Variants in LPIN1 observed in about 807,000 individuals in gnomAD.
LPIN1 encodes the protein lipin 1.
A neutral mutation model predicts 107.5 loss-of-function variants in LPIN1; 71 were observed. The ratio of observed to expected loss-of-function variants is 0.66; its 90% CI spans 0.55 to 0.80. The LOEUF (loss-of-function observed/expected upper bound fraction) is 0.80, where lower values mean the gene tolerates loss of function less well. Among genes scored for constraint, LPIN1 ranks in the 30% least tolerant of loss-of-function variants. The pLI is 0.00. For missense variants in LPIN1, 1,043 were observed against 1,160.6 expected, an observed-to-expected ratio of 0.90 and a Z score of 1.47; for synonymous variants, 445 against 452.6, an observed-to-expected ratio of 0.98 and a Z score of 0.21.
At chr2:11,728,471 C>T (rs573751639) in intron 1 of LPIN1, among the ~76,000 whole-genome samples, 3 of 152,166 alleles carry the variant, frequency 2.0e-5, no homozygotes, top group Non-Finnish European at 4.4e-5. Context: ...TAACCTCCCC[C>T]TCCCCAGGTT....
chr2:11,724,467 C>T, exon 1 of LPIN1: 1 of 985,828 alleles, frequency 1.0e-6, no homozygotes, highest in South Asian at 4.7e-5. Flanking sequence ...CTAACAGCAG[C>T]CACCCAGCAG....
rs1490552267 is a variant in LPIN1 at position 11,786,899 on chromosome 2, C to T, written c.1550-175C>T. ...CCTCCCTGCATTGCTGCACAGACGC[C>T]GCCTTCCAGGTAAAATGGTGCGGCC... On this transcript the variant is annotated intron_variant, in intron 10 of 20. Coordinates refer to ENST00000674199, the MANE Select transcript of LPIN1 (RefSeq NM_001349206.2). This position sits in a 1 kb window ranked among gnomAD's most constrained non-coding sequence, Gnocchi z 4.1. 11 of 643,494 alleles carry T rather than the reference C, an allele frequency of 1.7e-5. No individual in the cohort carries two copies. The highest frequency in any genetic ancestry group is 2.6e-5 in the Non-Finnish European group (9 of 351,852). 39.9% of individuals were successfully genotyped at this position (643,494 alleles called of 1,614,324 possible). A position where few individuals can be genotyped will look rare whatever the true frequency, so the allele number is the denominator to read the frequency against.
intron 1 of LPIN1, among the ~76,000 whole-genome samples, chr2:11,689,837 G>A (rs1346411056): frequency 6.6e-6 from 1 of 152,206 alleles, no homozygotes. Flanking sequence ...CCCGGGAGGT[G>A]GAGGTTGCAG....
At chr2:11,815,320 T>C in intron 18 of LPIN1, 80 bp downstream of exon 18, 3 of 1,522,778 alleles carry the variant, frequency 2.0e-6, no homozygotes, top group East Asian at 2.3e-5. Flanking sequence ...TTTGTAAGAA[T>C]AGCCTCCTCA....
chr2:11,797,457 T>A (rs1676920093), intron 14 of LPIN1, among the ~76,000 whole-genome samples: 1 of 152,222 alleles, frequency 6.6e-6, no homozygotes, highest in Non-Finnish European at 1.5e-5. Context: ...GAATGCAGGA[T>A]GTCTGCCAAA....
chr2:11,769,545 A>G (rs563813827), intron 3 of LPIN1, among the ~76,000 whole-genome samples: 105 of 151,890 alleles, frequency 6.9e-4, no homozygotes, highest in African/African-American at 2.4e-3. Flanking sequence ...CACTTTCTTG[A>G]TGGTGTTCTT....
At position 11,765,657 on chromosome 2, in the gene LPIN1, C is replaced by G. The variant is rs773246184; in HGVS notation, c.116C>G (p.Pro39Arg). The G allele has an allele frequency of 1.4e-5, 23 of 1,614,008 alleles. 1 individual carries two copies. In the South Asian group the frequency reaches 2.4e-4, roughly 17 times the overall value. Residue 39 changes from proline to arginine, a missense_variant, in exon 2 of 21, where the codon CCC (proline) becomes CGC (arginine). By Grantham distance (103) the Pro-to-Arg change is moderately radical. Coordinates refer to ENST00000674199, the MANE Select transcript of LPIN1 (RefSeq NM_001349206.2). The surrounding 1 kb of genome is among the most constrained non-coding windows in gnomAD (Gnocchi z 4.4). Reference sequence around the variant, plus strand: ...ATTGACATCATTGTCATCCGCCAGCCCAATGGAAACCTCCAATGCTCCCCT... The same window carrying G: ...ATTGACATCATTGTCATCCGCCAGCGCAATGGAAACCTCCAATGCTCCCCT... The part of the protein sequence containing the change: ...GCIDIIVIRQ[P>R]NGNLQCSPFH...
intron 1 of LPIN1, among the ~76,000 whole-genome samples, chr2:11,749,737 TGA>T (rs1667507086): frequency 6.6e-6 from 1 of 152,108 alleles, no homozygotes; most frequent in Admixed American, 6.5e-5. Flanking sequence ...CACTCCCAGC[TGA>T]GAGGTTGGGA....
rs371469678 is a variant in LPIN1, at chr2:11,811,855, C to CAT, written c.2250-3232_2250-3231dup. ...CAAAAATTAGCTGGGCGTGGTAGTG[C>CAT]ATGCCTGTAGTCCCAGCTACTCAGG... On this transcript the variant is annotated intron_variant, in intron 17 of 20. Coordinates refer to ENST00000674199, the MANE Select transcript of LPIN1 (RefSeq NM_001349206.2). Among the ~76,000 whole-genome samples the CAT allele has an allele frequency of 2.0e-3, 307 of 152,198 alleles. 1 individual carries two copies. The highest frequency in any genetic ancestry group is 4.0e-3 in the African/African-American group (164 of 41,514).
At chr2:11,778,301 C>T (rs749057990) in intron 6 of LPIN1, among the ~76,000 whole-genome samples, 29 of 152,182 alleles carry the variant, frequency 1.9e-4, no homozygotes, top group Non-Finnish European at 3.5e-4. Flanking sequence ...CGTGGCAGCA[C>T]GTCATTAGAA....
At chr2:11,759,510 G>T (rs1399726278) in intron 1 of LPIN1, among the ~76,000 whole-genome samples, 1 of 152,216 alleles carries the variant, frequency 6.6e-6, no homozygotes, top group Non-Finnish European at 1.5e-5. Flanking sequence ...TAAGGTCATA[G>T]ATCAACAGCA....
At chr2:11,741,544 C>A in intron 2 of LPIN1, 1 of 779,146 alleles carries the variant, frequency 1.3e-6, no homozygotes, top group Non-Finnish European at 2.1e-6. Flanking sequence ...CAAACATTGC[C>A]ACTCGAGCTC....
At chr2:11,787,955 A>AG (rs1674953017) in intron 11 of LPIN1, among the ~76,000 whole-genome samples, 1 of 151,818 alleles carries the variant, frequency 6.6e-6, no homozygotes, top group African/African-American at 2.4e-5. Context: ...AAAAAAAAAA[A>AG]GAAAAGAAAA....
chr2:11,706,878 G>C (rs13426765), intron 1 of LPIN1, among the ~76,000 whole-genome samples: 23,361 of 152,156 alleles, frequency 0.15, 1,987 homozygotes, highest in East Asian at 0.3. Flanking sequence ...ATGATGTGCA[G>C]GTTTCTGGGT....
intron 17 of LPIN1, among the ~76,000 whole-genome samples, chr2:11,810,404 C>T (rs1442477020): frequency 1.3e-5 from 2 of 152,074 alleles, no homozygotes; most frequent in Non-Finnish European, 2.9e-5. Flanking sequence ...GGCTGGGAGA[C>T]GAGCAGGTAC....
In LPIN1 at chr2:11,765,440, C is replaced by T; in HGVS notation, c.-9-93C>T. 8.4e-7 allele frequency: 1 copy of T among 1,193,018 alleles called. No individual in the cohort carries two copies. Among genetic ancestry groups the T allele is most frequent in the Non-Finnish European group, 1.2e-6 (1 of 827,600 alleles). 73.9% of individuals were successfully genotyped at this position (1,193,018 alleles called of 1,614,324 possible). On this transcript the variant is annotated intron_variant, in intron 1 of 20. Transcript: ENST00000674199. This position sits in a 1 kb window ranked among gnomAD's most constrained non-coding sequence, Gnocchi z 4.4. The stretch of plus-strand genomic sequence containing the variant: ...AGGAGCTGAAAGTTGAGTGTGTAAT[C>T]CACGTTTTTGAAATGGTGAGGAGTT...
At chr2:11,815,383 T>C in intron 18 of LPIN1, 143 bp downstream of exon 18, 2 of 1,084,576 alleles carry the variant, frequency 1.8e-6, no homozygotes, top group Non-Finnish European at 2.7e-6. Context: ...GAAAAATCAT[T>C]CCAAACACAG....
chr2:11,824,865 T>C lies in LPIN1; in HGVS notation c.*74T>C. 1 of 1,548,188 alleles carries C rather than the reference T, an allele frequency of 6.5e-7. No homozygotes were observed. ...CATTAAAGGATAGGTCTCCCCGGAG[T>C]GCACAGCTCCACCTGGGAGCCTGGC... is the stretch of plus-strand genomic sequence containing the variant. On this transcript the variant is annotated 3_prime_UTR_variant, in exon 21 of 21. Coordinates refer to ENST00000674199, the MANE Select transcript of LPIN1 (RefSeq NM_001349206.2).
Position 11,822,191 on chromosome 2 carries a change from G to A in LPIN1, c.2621+1677G>A, listed in dbSNP as rs538972213. Reference sequence around the variant, plus strand: ...CATGCCTATAATCCCAGCACTTTGGGAGGCCGAGGTGGGTGGATCACCTGA... The same window carrying A: ...CATGCCTATAATCCCAGCACTTTGGAAGGCCGAGGTGGGTGGATCACCTGA... On this transcript the variant is annotated intron_variant, in intron 20 of 20. Transcript: ENST00000674199. 2.0e-5 allele frequency among the ~76,000 whole-genome samples: 3 copies of A among 151,666 alleles called. No homozygotes were observed. The East Asian group carries it at 5.8e-4, about 29-fold the overall frequency.
Sources: gnomAD v4.1 joint callset for allele counts (sites outside exome capture counted in the v4.1 genomes callset) on GRCh38, gnomAD v4.1.1 for gene constraint, Gnocchi (gnomAD v3.1) non-coding constraint, MANE v1.5 for transcripts, NCBI Gene and HGNC (gene_info 2026-07-23, HGNC 2026-07-21) for gene names.